The following RTN4 variants were observed in gnomAD, a reference collection of about 807,000 sequenced individuals.
The protein encoded by RTN4 is reticulon-4.
RTN4 carries 32 observed loss-of-function variants against 90.4 expected under a neutral mutation model. The ratio of observed to expected loss-of-function variants is 0.35; its 90% CI spans 0.27 to 0.48. RTN4 has a LOEUF of 0.48. RTN4 is among the 20% of genes least tolerant of loss of function. The pLI is 0.99. For synonymous variants in RTN4, 629 were observed against 552.5 expected, an observed-to-expected ratio of 1.14 and a Z score of -1.94; for missense variants, 1,706 against 1,430.2, an observed-to-expected ratio of 1.19 and a Z score of -3.11.
chr2:55,135,049 T>C, the RTN4 span, among the ~76,000 whole-genome samples: 1 of 152,132 alleles, frequency 6.6e-6, no homozygotes, highest in African/African-American at 2.4e-5. Context: ...AAGGATCACT[T>C]GAGGCCTAGA....
upstream of RTN4, among the ~76,000 whole-genome samples, chr2:55,055,450 C>A (rs939922673): frequency 3.0e-4 from 46 of 152,172 alleles, no homozygotes; most frequent in African/African-American, 1.0e-3. Context: ...TGTCTTTAAA[C>A]ATTGTTCATT....
At position 55,049,578 on chromosome 2, in the gene RTN4, C is replaced by T; in HGVS notation, c.556+167G>A. On this transcript the variant is annotated intron_variant, in intron 1 of 8. Transcript: ENST00000337526. Reference sequence around the variant, plus strand: ...CAAACCCGGGCTCCAAGGGCCGCCCCACCCTTCTCCCCGCGCTTCCAACCA... The same window carrying T: ...CAAACCCGGGCTCCAAGGGCCGCCCTACCCTTCTCCCCGCGCTTCCAACCA... The T allele has an allele frequency of 3.5e-6, 4 of 1,149,572 alleles. No homozygotes were observed. In the South Asian group the frequency reaches 5.4e-5, roughly 15 times the overall value. 71.2% of individuals were successfully genotyped at this position (1,149,572 alleles called of 1,614,324 possible). A position where few individuals can be genotyped will look rare whatever the true frequency, so the allele number is the denominator to read the frequency against.
At chr2:55,077,357 C>G (rs1405187656) in intron 2 of RTN4, among the ~76,000 whole-genome samples, 1 of 152,002 alleles carries the variant, frequency 6.6e-6, no homozygotes, top group Non-Finnish European at 1.5e-5. Flanking sequence ...TAATATACTA[C>G]TTATCAGGAA....
rs538179113 is a variant in RTN4 at position 55,086,752 on chromosome 2, T to C, written c.-213-6113A>G. Reference sequence around the variant, plus strand: ...TTTTGGGGCCCCCTTTCAGCCATCATCTTTCCCGCAAAGGTAACCACCATC... The same window carrying C: ...TTTTGGGGCCCCCTTTCAGCCATCACCTTTCCCGCAAAGGTAACCACCATC... On this transcript the variant is annotated intron_variant, in intron 1 of 3. Coordinates refer to the RTN4 transcript ENST00000427710. 3.7e-3 allele frequency among the ~76,000 whole-genome samples: 561 copies of C among 152,182 alleles called. 3 individuals are homozygous for C. The highest frequency in any genetic ancestry group is 0.013 in the African/African-American group (525 of 41,532).
At chr2:55,055,293 C>T (rs1481989285), upstream of RTN4, among the ~76,000 whole-genome samples, 2 of 151,408 alleles carry the variant, frequency 1.3e-5, no homozygotes, top group African/African-American at 2.4e-5. Context: ...AAAATGTGTC[C>T]TCATATGAAG....
chr2:55,030,810 T>C (rs1682252145), intron 1 of RTN4, among the ~76,000 whole-genome samples: 1 of 152,212 alleles, frequency 6.6e-6, no homozygotes. Flanking sequence ...ACTGGTGCAA[T>C]CCTTCTTACT....
chr2:55,118,463 T>G, the RTN4 span, among the ~76,000 whole-genome samples: 1 of 150,370 alleles, frequency 6.7e-6, no homozygotes, highest in South Asian at 2.1e-4. Context: ...AGACCCTGTC[T>G]CAAAAAAAAA....
intron 1 of RTN4, among the ~76,000 whole-genome samples, chr2:55,046,295 T>A (rs965103003): frequency 2.0e-5 from 3 of 152,230 alleles, no homozygotes; most frequent in Non-Finnish European, 1.5e-5. Flanking sequence ...TTTATTTTTT[T>A]AAAAAGCTAA....
chr2:55,050,033 G>A lies in RTN4; in HGVS notation c.268C>T (p.Pro90Ser), dbSNP rs755201346. The A allele has an allele frequency of 8.7e-5, 122 of 1,398,326 alleles. No individual in the cohort carries two copies. The highest frequency in any genetic ancestry group is 9.5e-5 in the Non-Finnish European group (103 of 1,083,380). The allele number at this position is 1,398,326 out of a possible 1,614,324, so 86.6% of individuals were successfully genotyped here. A position where few individuals can be genotyped will look rare whatever the true frequency, so the allele number is the denominator to read the frequency against. Residue 90 changes from proline to serine, a missense_variant, in exon 1 of 9, where the codon CCC becomes TCC. Physicochemically the swap from Pro to Ser is moderately conservative, Grantham distance 74. Transcript: ENST00000337526. This position sits in a 1 kb window ranked among gnomAD's most constrained non-coding sequence, Gnocchi z 4.6. ...DFGNDFVPPA[P>S]RGPLPAAPPV... ...GGAGCGGCCGGCAGGGGTCCCCGGG[G>A]CGCCGGCGGCACGAAGTCATTTCCG...
At chr2:54,976,736 T>C (rs1176447689) in intron 5 of RTN4, among the ~76,000 whole-genome samples, 1 of 152,100 alleles carries the variant, frequency 6.6e-6, no homozygotes, top group Non-Finnish European at 1.5e-5. Context: ...CCACCACAAA[T>C]GATGGATTTG....
chr2:55,098,793 A>G (rs2105053510), intron 1 of RTN4, among the ~76,000 whole-genome samples: 1 of 152,194 alleles, frequency 6.6e-6, no homozygotes, highest in South Asian at 2.1e-4. Flanking sequence ...TTATTGACGA[A>G]ATCAGGTCAT....
At chr2:55,066,973 T>C (rs573294027) in intron 2 of RTN4, among the ~76,000 whole-genome samples, 53 of 152,320 alleles carry the variant, frequency 3.5e-4, no homozygotes, top group Non-Finnish European at 8.8e-5. Context: ...CCAATAAGAT[T>C]ATCTATGTAT....
chr2:54,975,644 G>A (rs927388444), intron 5 of RTN4, among the ~76,000 whole-genome samples: 4 of 152,120 alleles, frequency 2.6e-5, no homozygotes, highest in African/African-American at 9.7e-5. Context: ...AACAGGCCGT[G>A]GCCCAAACAA....
chr2:55,129,687 G>A, the RTN4 span, among the ~76,000 whole-genome samples: 1 of 151,926 alleles, frequency 6.6e-6, no homozygotes, highest in African/African-American at 2.4e-5. Flanking sequence ...TCAGCCTCCC[G>A]AGTAGCTGGG....
rs550010409 is a variant in RTN4, at chr2:55,049,699, G to GGAGGGGCGC, written c.556+37_556+45dup. ...GCATCTGGGGCTGCACACAAAAGAG[G>GGAGGGGCGC]GAGGGGCGCGAGGGGCGGCGCGAAG... On this transcript the variant is annotated intron_variant, in intron 1 of 8. Transcript: ENST00000337526. The GGAGGGGCGC allele has an allele frequency of 1.6e-4, 229 of 1,430,816 alleles. No homozygotes were observed. The African/African-American group carries it at 3.0e-3, about 19-fold the overall frequency. The allele number at this position is 1,430,816 out of a possible 1,614,324, so 88.6% of individuals were successfully genotyped here. A position where few individuals can be genotyped will look rare whatever the true frequency, so the allele number is the denominator to read the frequency against.
At chr2:55,126,060 C>CG in the RTN4 span, among the ~76,000 whole-genome samples, 1 of 62,456 alleles carries the variant, frequency 1.6e-5, no homozygotes, top group Non-Finnish European at 3.0e-5. Flanking sequence ...GACTCCGTCT[C>CG]AAAAAAAAAA....
upstream of RTN4, among the ~76,000 whole-genome samples, chr2:55,117,277 C>T (rs530008970): frequency 1.3e-5 from 2 of 152,332 alleles, no homozygotes; most frequent in South Asian, 4.1e-4. Context: ...TGGACCTGAT[C>T]CAATGTCACA....
At chr2:55,093,644 C>A (rs1017389383) in intron 1 of RTN4, among the ~76,000 whole-genome samples, 1 of 151,954 alleles carries the variant, frequency 6.6e-6, no homozygotes, top group South Asian at 2.1e-4. Context: ...TCTCCCTCCA[C>A]GAGGCCAGGG....
At position 55,098,172 on chromosome 2, in the gene RTN4, G is replaced by T. The variant is rs972412028; in HGVS notation, c.-214+14348C>A. On this transcript the variant is annotated intron_variant, in intron 1 of 3. Coordinates refer to the RTN4 transcript ENST00000427710. ...CCCATTTTCTTTTTCACCTGTTAGA[G>T]GCAGAAGTATGTCCGGATTTCCAGT... Among the ~76,000 whole-genome samples, 20 of 152,078 alleles carry T rather than the reference G, an allele frequency of 1.3e-4. 1 individual carries two copies. The highest frequency in any genetic ancestry group is 4.8e-4 in the African/African-American group (20 of 41,376).
Sources: allele counts gnomAD v4.1 joint callset (sites outside exome capture counted in the v4.1 genomes callset), GRCh38; gene constraint gnomAD v4.1.1; non-coding constraint Gnocchi (gnomAD v3.1); transcripts MANE v1.5; gene names NCBI Gene and HGNC (gene_info 2026-07-23, HGNC 2026-07-21).